Variants in KIF5C observed in about 807,000 individuals in gnomAD.
The protein encoded by KIF5C is kinesin heavy chain isoform 5C.
In KIF5C, 18 loss-of-function variants were observed where a neutral mutation model predicts 125.2. The observed-to-expected ratio is 0.14, with a 90% confidence interval of 0.10 to 0.21. KIF5C has a LOEUF of 0.21. Ranked by LOEUF, KIF5C falls within the 10% of genes least tolerant of loss-of-function variation. The probability of loss-of-function intolerance (pLI) is 1.00; values close to 1 mark genes in which losing one functional copy is unlikely to be tolerated. For missense variants in KIF5C, 780 were observed against 1,183.8 expected, an observed-to-expected ratio of 0.66 and a Z score of 5.01; for synonymous variants, 405 against 434.0, an observed-to-expected ratio of 0.93 and a Z score of 0.83.
At chr2:149,017,525 C>G (rs574962611) in intron 25 of KIF5C, among the ~76,000 whole-genome samples, 1 of 152,326 alleles carries the variant, frequency 6.6e-6, no homozygotes, top group East Asian at 1.9e-4. Flanking sequence ...AGATCCACTT[C>G]CTTTCCAGGC....
At position 149,025,549 on chromosome 2, in the gene KIF5C, A is replaced by C. The variant is rs1304726593; in HGVS notation, c.*2479A>C. On this transcript the variant is annotated 3_prime_UTR_variant, in exon 26 of 26. Coordinates refer to ENST00000435030, the MANE Select transcript of KIF5C (RefSeq NM_004522.3). ...AATGTAAAAACCACACTTCTGAACA[A>C]CTAAGCTCATGAATATGATTTTGGT... 1.3e-5 allele frequency: 2 copies of C among 152,308 alleles called. No individual in the cohort carries two copies. The highest frequency in any genetic ancestry group is 1.5e-5 in the Non-Finnish European group (1 of 68,040). 9.4% of individuals were successfully genotyped at this position (152,308 alleles called of 1,614,324 possible).
chr2:148,980,518 T>A (rs922127746), intron 13 of KIF5C, among the ~76,000 whole-genome samples: 4 of 152,166 alleles, frequency 2.6e-5, no homozygotes, highest in Middle Eastern at 6.8e-3. Flanking sequence ...TATATCTTCA[T>A]GATGGATGTT....
intron 1 of KIF5C, chr2:148,877,742 A>G (rs1488106736): frequency 1.0e-5 from 1 of 96,312 alleles, no homozygotes; most frequent in Non-Finnish European, 2.2e-5. Context: ...CTCCTCCCCC[A>G]TCCCCTTTCC....
intron 16 of KIF5C, 134 bp from the exon 17 acceptor site, chr2:148,994,287 G>A: frequency 8.2e-7 from 1 of 1,223,810 alleles, no homozygotes; most frequent in Non-Finnish European, 1.1e-6. Context: ...GGTAAAATGG[G>A]CACCATTTGG....
At chr2:148,953,680 T>C (rs1264242650) in intron 10 of KIF5C, among the ~76,000 whole-genome samples, 1 of 152,202 alleles carries the variant, frequency 6.6e-6, no homozygotes, top group Non-Finnish European at 1.5e-5. Context: ...TTTGTGGTTC[T>C]TTCAAGGACG....
chr2:148,928,647 T>C (rs1032467745), intron 2 of KIF5C, among the ~76,000 whole-genome samples: 2 of 152,176 alleles, frequency 1.3e-5, no homozygotes, highest in Non-Finnish European at 2.9e-5. Context: ...CTGATGGGCC[T>C]GGGCTGGCTT....
chr2:148,929,228 C>T lies in KIF5C; in HGVS notation c.218-53C>T, dbSNP rs954736689. 5.1e-5 allele frequency: 56 copies of T among 1,106,044 alleles called. 1 individual carries two copies. The Middle Eastern group carries it at 7.8e-4, about 15-fold the overall frequency. The allele number at this position is 1,106,044 out of a possible 1,614,324, so 68.5% of individuals were successfully genotyped here. On this transcript the variant is annotated intron_variant, in intron 2 of 25. Coordinates refer to ENST00000435030, the MANE Select transcript of KIF5C (RefSeq NM_004522.3). ...TAATTTTAAAATATGCAACCTACAC[C>T]AGCATATGATCAAAGTAATGAGTTA...
intron 17 of KIF5C, 43 bp from the exon 18 acceptor site, chr2:148,997,221 C>A: frequency 6.3e-7 from 1 of 1,589,014 alleles, no homozygotes; most frequent in Non-Finnish European, 8.6e-7. Flanking sequence ...GGGTGTGAGT[C>A]CCACCAGTTA....
At chr2:148,923,337 G>A (rs1461793014) in intron 2 of KIF5C, among the ~76,000 whole-genome samples, 1 of 152,104 alleles carries the variant, frequency 6.6e-6, no homozygotes, top group Non-Finnish European at 1.5e-5. Flanking sequence ...TTGCTGAGGT[G>A]GATGGTTATT....
At position 148,875,575 on chromosome 2, in the gene KIF5C, G is replaced by GCCCCCCCCCCCTCCCCCTGTCCC; in HGVS notation, c.-37_-36insCCCCCTCCCCCTGTCCCCCCCCC. The GCCCCCCCCCCCTCCCCCTGTCCC allele has an allele frequency of 1.4e-6, 1 of 699,606 alleles. No homozygotes were observed. Among genetic ancestry groups the GCCCCCCCCCCCTCCCCCTGTCCC allele is most frequent in the South Asian group, 1.6e-5 (1 of 64,500 alleles). The allele number at this position is 699,606 out of a possible 1,614,324, so 43.3% of individuals were successfully genotyped here. The stretch of plus-strand genomic sequence containing the variant: ...TCCTCCCTCGTCGTTCCCGGCCCCG[G>GCCCCCCCCCCCTCCCCCTGTCCC]CCCCCCACCCATCCCCGTGCCCCCT... On this transcript the variant is annotated 5_prime_UTR_variant, in exon 1 of 26. Transcript: ENST00000435030.
At chr2:148,883,227 C>T (rs1441042136) in intron 1 of KIF5C, among the ~76,000 whole-genome samples, 3 of 152,140 alleles carry the variant, frequency 2.0e-5, no homozygotes, top group East Asian at 1.9e-4. Flanking sequence ...TTTGGCCAGG[C>T]GCAGTGGCTC....
chr2:149,008,558 C>G (rs116491889), intron 23 of KIF5C, among the ~76,000 whole-genome samples: 265 of 152,320 alleles, frequency 1.7e-3, no homozygotes, highest in African/African-American at 6.3e-3. Flanking sequence ...GCTGCCCATT[C>G]CTAGCGATCT....
chr2:149,001,831 A>C (rs543900513), intron 21 of KIF5C, among the ~76,000 whole-genome samples: 20 of 152,376 alleles, frequency 1.3e-4, no homozygotes, highest in African/African-American at 4.6e-4. Flanking sequence ...TTCATGGGTC[A>C]TGTGGATCTG....
At chr2:148,917,163 G>A (rs188419724) in intron 1 of KIF5C, among the ~76,000 whole-genome samples, 23 of 151,586 alleles carry the variant, frequency 1.5e-4, no homozygotes, top group African/African-American at 5.1e-4. Context: ...CCCCAATCTT[G>A]CCTTCTTCCC....
chr2:148,937,473 AGAT>A, intron 4 of KIF5C, 85 bp downstream of exon 4: 1 of 1,468,658 alleles, frequency 6.8e-7, no homozygotes. Context: ...AAGATATAAA[AGAT>A]GATCCTACTA....
At chr2:149,009,392 C>G (rs1682114539) in intron 23 of KIF5C, among the ~76,000 whole-genome samples, 1 of 152,198 alleles carries the variant, frequency 6.6e-6, no homozygotes, top group African/African-American at 2.4e-5. Flanking sequence ...GGAGACCCAG[C>G]AGTAGCTCAC....
intron 10 of KIF5C, among the ~76,000 whole-genome samples, chr2:148,960,614 G>C (rs1312087994): frequency 6.6e-6 from 1 of 152,226 alleles, no homozygotes; most frequent in Non-Finnish European, 1.5e-5. Context: ...GTCTTACATT[G>C]AAGTTGTTAA....
chr2:148,892,275 T>C (rs1186978799), intron 1 of KIF5C, among the ~76,000 whole-genome samples: 1 of 152,186 alleles, frequency 6.6e-6, no homozygotes, highest in Non-Finnish European at 1.5e-5. Context: ...CTTTGAGATA[T>C]TACCTGATAA....
chr2:148,996,847 C>A (rs575569394), intron 17 of KIF5C, among the ~76,000 whole-genome samples: 1 of 152,342 alleles, frequency 6.6e-6, no homozygotes, highest in Admixed American at 6.5e-5. Context: ...CCCATCATGG[C>A]ATGGGTCCAC....
Sources: gnomAD v4.1 joint callset for allele counts (sites outside exome capture counted in the v4.1 genomes callset) on GRCh38, gnomAD v4.1.1 for gene constraint, MANE v1.5 for transcripts, NCBI Gene and HGNC (gene_info 2026-07-23, HGNC 2026-07-21) for gene names.